LRPPRC: variants seen among roughly 807,000 people sequenced by gnomAD.
The protein encoded by LRPPRC is leucine rich pentatricopeptide repeat containing.
LRPPRC carries 120 observed loss-of-function variants against 180.3 expected under a neutral mutation model. That is an observed-to-expected ratio of 0.67 (90% CI 0.57 to 0.77). The LOEUF (loss-of-function observed/expected upper bound fraction) is 0.77. Ranked by LOEUF, LRPPRC falls within the 30% of genes least tolerant of loss-of-function variation. The probability of loss-of-function intolerance (pLI) is 0.00; values close to 1 mark genes in which losing one functional copy is unlikely to be tolerated. For missense variants in LRPPRC, 2,012 were observed against 1,657.2 expected (o/e 1.21, Z -3.72); for synonymous variants, 723 against 600.0 (o/e 1.21, Z -3.00).
intron 29 of LRPPRC, among the ~76,000 whole-genome samples, chr2:43,915,604 A>C (rs573817611): frequency 6.6e-6 from 1 of 152,216 alleles, no homozygotes; most frequent in African/African-American, 2.4e-5. Context: ...GCATCACTTG[A>C]ACCTGGGAAG....
intron 11 of LRPPRC, among the ~76,000 whole-genome samples, chr2:43,972,848 A>G (rs1405783121): frequency 6.6e-6 from 1 of 152,216 alleles, no homozygotes; most frequent in Non-Finnish European, 1.5e-5. Flanking sequence ...AAAGCACATT[A>G]TACTTCGAGA....
intron 29 of LRPPRC, among the ~76,000 whole-genome samples, chr2:43,915,053 C>CAAAAAAAA (rs71393213): frequency 3.1e-5 from 3 of 96,892 alleles, no homozygotes; most frequent in South Asian, 3.4e-4. Flanking sequence ...ACTAAAAATA[C>CAAAAAAAA]AAAAAAAAAA....
chr2:43,909,641 A>C (rs911581343), intron 30 of LRPPRC, among the ~76,000 whole-genome samples: 1 of 145,644 alleles, frequency 6.9e-6, no homozygotes, highest in Non-Finnish European at 1.5e-5. Flanking sequence ...AATAATAATA[A>C]TAATAATATT....
intron 25 of LRPPRC, among the ~76,000 whole-genome samples, chr2:43,928,102 G>A (rs1340782856): frequency 6.6e-6 from 1 of 152,182 alleles, no homozygotes; most frequent in African/African-American, 2.4e-5. Flanking sequence ...TGAACAGTGA[G>A]GATACAGTAA....
Position 43,905,714 on chromosome 2 carries a change from T to A in LRPPRC, c.3342A>T (p.Gln1114His). The A allele has an allele frequency of 6.2e-7, 1 of 1,613,760 alleles. No homozygotes were observed. The highest frequency in any genetic ancestry group is 1.1e-5 in the South Asian group (1 of 91,078). The stretch of plus-strand genomic sequence containing the variant: ...TACCTTTCAAATAATCCCGCCTAAC[T>A]TGCGTTATGATGAGGCGGCTGTTGG... ...DAANSRLIIT[Q>H]VRRDYLKEAV... Residue 1114 changes from glutamine to histidine, a missense_variant, in exon 31 of 38, where the codon CAA becomes CAT. Physicochemically the swap from Gln to His is conservative, Grantham distance 24 (BLOSUM62 0). Coordinates refer to ENST00000260665, the MANE Select transcript of LRPPRC (RefSeq NM_133259.4).
chr2:43,890,326 G>C, intron 36 of LRPPRC: 1 of 469,400 alleles, frequency 2.1e-6, no homozygotes, highest in South Asian at 1.6e-5. Context: ...TCAACATCAA[G>C]ATCATCAGCT....
chr2:43,974,063 G>A, intron 9 of LRPPRC, 87 bp downstream of exon 9: 1 of 1,358,778 alleles, frequency 7.4e-7, no homozygotes, highest in Non-Finnish European at 1.1e-6. Context: ...TTTACAACTG[G>A]TCTAATCTTA....
chr2:43,921,590 G>A (rs968570191), intron 27 of LRPPRC, among the ~76,000 whole-genome samples: 2 of 152,196 alleles, frequency 1.3e-5, no homozygotes, highest in African/African-American at 4.8e-5. Context: ...TAAAGGTAGA[G>A]AGAGGGCAAT....
intron 20 of LRPPRC, among the ~76,000 whole-genome samples, chr2:43,946,944 GTA>G (rs1442219494): frequency 1.3e-5 from 2 of 152,040 alleles, no homozygotes; most frequent in Middle Eastern, 6.3e-3. Flanking sequence ...ACTACTGCGT[GTA>G]TCAGTTGCTT....
At chr2:43,917,031 T>C (rs2105023107) in intron 29 of LRPPRC, among the ~76,000 whole-genome samples, 1 of 148,492 alleles carries the variant, frequency 6.7e-6, no homozygotes, top group Admixed American at 6.8e-5. Context: ...ATTAACATCT[T>C]ACTAGATTTG....
intron 29 of LRPPRC, among the ~76,000 whole-genome samples, chr2:43,914,826 T>C (rs770691519): frequency 2.0e-5 from 3 of 152,174 alleles, no homozygotes; most frequent in African/African-American, 4.8e-5. Context: ...ACACACTGCA[T>C]TGTATTTAAT....
At chr2:43,909,659 G>A (rs923352556) in intron 30 of LRPPRC, among the ~76,000 whole-genome samples, 1 of 150,196 alleles carries the variant, frequency 6.7e-6, no homozygotes, top group Non-Finnish European at 1.5e-5. Context: ...ATTGAGGGTG[G>A]GAAAAAACTC....
At position 43,995,940 on chromosome 2, in the gene LRPPRC, G is replaced by A. The variant is rs886056065; in HGVS notation, c.8C>T (p.Ala3Val). 13 of 1,526,186 alleles carry A rather than the reference G, an allele frequency of 8.5e-6. No homozygotes were observed. The highest frequency in any genetic ancestry group is 1.0e-5 in the Non-Finnish European group (12 of 1,143,262). 94.5% of individuals were successfully genotyped at this position (1,526,186 alleles called of 1,614,324 possible). A position where few individuals can be genotyped will look rare whatever the true frequency, so the allele number is the denominator to read the frequency against. The change falls in exon 1 of 38, where the codon GCC becomes GTC. Residue 3 changes from alanine (A) to valine (V), a missense_variant. Ala to Val is a moderately conservative substitution (Grantham distance 64). Coordinates refer to ENST00000260665, the MANE Select transcript of LRPPRC (RefSeq NM_133259.4). Reference sequence around the variant, plus strand: ...CAACCAACGCGCGGATCTCAGCAGGGCTGCCATTGCTCGAACGTCCCCGCA... The same window carrying A: ...CAACCAACGCGCGGATCTCAGCAGGACTGCCATTGCTCGAACGTCCCCGCA... MA[A>V]LLRSARWLLR...
intron 36 of LRPPRC, among the ~76,000 whole-genome samples, chr2:43,894,007 A>C (rs1040750579): frequency 2.6e-5 from 4 of 152,160 alleles, no homozygotes; most frequent in Non-Finnish European, 5.9e-5. Context: ...TTCCTTTCAT[A>C]TGTGATTGTC....
chr2:43,912,528 T>A lies in LRPPRC; in HGVS notation c.3179A>T (p.Glu1060Val). Reference sequence around the variant, plus strand: ...TTCAGCATTAAACACAATGTTTTGCTCTTTTGCATTCAGGAAAATATCATA... The same window carrying A: ...TTCAGCATTAAACACAATGTTTTGCACTTTTGCATTCAGGAAAATATCATA... ...GAYDIFLNAK[E>V]QNIVFNAETY... The change falls in exon 30 of 38, where the codon GAG becomes GTG. Residue 1060 changes from glutamate (E) to valine (V), a missense_variant. Glu to Val is a moderately radical substitution (Grantham distance 121, BLOSUM62 -2). Coordinates refer to ENST00000260665, the MANE Select transcript of LRPPRC (RefSeq NM_133259.4). The A allele has an allele frequency of 6.2e-7, 1 of 1,607,710 alleles. No homozygotes were observed. The highest frequency in any genetic ancestry group is 8.5e-7 in the Non-Finnish European group (1 of 1,174,412).
chr2:43,911,291 T>C (rs1466407700), intron 30 of LRPPRC, among the ~76,000 whole-genome samples: 1 of 151,824 alleles, frequency 6.6e-6, no homozygotes, highest in Admixed American at 6.6e-5. Context: ...AACACACATA[T>C]ACACACAGAC....
At chr2:43,904,538 C>T (rs1670996679) in intron 31 of LRPPRC, 1 of 151,082 alleles carries the variant, frequency 6.6e-6, no homozygotes, top group Non-Finnish European at 1.5e-5. Flanking sequence ...ACTGAAAATA[C>T]AAAAATTAGC....
intron 11 of LRPPRC, among the ~76,000 whole-genome samples, chr2:43,973,249 T>C (rs1189378619): frequency 1.3e-5 from 2 of 152,202 alleles, no homozygotes; most frequent in Admixed American, 6.5e-5. Flanking sequence ...ATGAACCTAA[T>C]TGTATATACA....
rs192494987 is a variant in LRPPRC, at chr2:43,929,671, T to C, written c.2737-3710A>G. Among the ~76,000 whole-genome samples the C allele has an allele frequency of 5.3e-5, 8 of 152,278 alleles. No individual in the cohort carries two copies. In the East Asian group the frequency reaches 1.2e-3, roughly 22 times the overall value. On this transcript the variant is annotated intron_variant, in intron 25 of 37. Transcript: ENST00000260665. ...GTTGTTCAAGGATCAACTATATTTA[T>C]CCCCATAGCTAGCACAGAACAAGGG...
Sources: gnomAD v4.1 joint callset for allele counts (sites outside exome capture counted in the v4.1 genomes callset) on GRCh38, gnomAD v4.1.1 for gene constraint, MANE v1.5 for transcripts, NCBI Gene and HGNC (gene_info 2026-07-23, HGNC 2026-07-21) for gene names.